The following NLGN1 variants were observed in gnomAD, a reference collection of about 807,000 sequenced individuals.
The protein encoded by NLGN1 is neuroligin-1.
A neutral mutation model predicts 65.5 loss-of-function variants in NLGN1; 12 were observed. That is an observed-to-expected ratio of 0.18 (90% confidence interval 0.12 to 0.30). NLGN1 has a LOEUF of 0.30. Among genes scored for constraint, NLGN1 ranks in the 10% least tolerant of loss-of-function variants. The pLI is 1.00. For missense variants in NLGN1, 750 were observed against 1,007.1 expected (o/e 0.74, Z 3.46); for synonymous variants, 350 against 359.5 (o/e 0.97, Z 0.30).
chr3:173,892,329 T>G (rs1305999599), intron 4 of NLGN1, among the ~76,000 whole-genome samples: 2 of 152,124 alleles, frequency 1.3e-5, no homozygotes, highest in East Asian at 3.9e-4. Context: ...TTTTATTTTA[T>G]GCAACTGCTT....
chr3:173,790,328 C>T (rs1456805980), intron 3 of NLGN1, among the ~76,000 whole-genome samples: 1 of 152,050 alleles, frequency 6.6e-6, no homozygotes, highest in Non-Finnish European at 1.5e-5. Flanking sequence ...AGAGCTGCGT[C>T]CATATCCTGG....
intron 4 of NLGN1, among the ~76,000 whole-genome samples, chr3:174,271,616 T>G (rs1055775698): frequency 6.6e-6 from 1 of 151,812 alleles, no homozygotes; most frequent in East Asian, 1.9e-4. Context: ...CTGGTTTCTC[T>G]CTAGCACTTG....
At chr3:173,618,912 G>A (rs924145705) in intron 3 of NLGN1, among the ~76,000 whole-genome samples, 2 of 152,142 alleles carry the variant, frequency 1.3e-5, no homozygotes, top group Non-Finnish European at 2.9e-5. Flanking sequence ...AGAGAAGAGG[G>A]TGTTGGATTT....
chr3:173,528,247 G>A (rs1469370308), intron 2 of NLGN1, among the ~76,000 whole-genome samples: 1 of 152,114 alleles, frequency 6.6e-6, no homozygotes, highest in Non-Finnish European at 1.5e-5. Context: ...ACTCTTGACT[G>A]ACAAAATTTT....
chr3:173,550,980 C>T (rs1046594147), intron 2 of NLGN1, among the ~76,000 whole-genome samples: 2 of 152,118 alleles, frequency 1.3e-5, no homozygotes, highest in African/African-American at 4.8e-5. Flanking sequence ...CAGCTTGTCT[C>T]CTCTCATCTC....
chr3:173,958,010 G>A (rs1712540696), intron 4 of NLGN1, among the ~76,000 whole-genome samples: 1 of 152,186 alleles, frequency 6.6e-6, no homozygotes, highest in Non-Finnish European at 1.5e-5. Flanking sequence ...GCTGCAGCTG[G>A]ACCAGATATA....
chr3:174,054,623 C>T (rs1735635246), intron 4 of NLGN1, among the ~76,000 whole-genome samples: 1 of 151,764 alleles, frequency 6.6e-6, no homozygotes. Context: ...ATTTCTAATC[C>T]ACTGTGGACG....
intron 1 of NLGN1, among the ~76,000 whole-genome samples, chr3:173,434,415 A>G (rs1488543837): frequency 8.5e-5 from 13 of 152,204 alleles, no homozygotes; most frequent in Admixed American, 8.5e-4. Flanking sequence ...ATTACAATTC[A>G]TGGGCCTCAC....
intron 2 of NLGN1, among the ~76,000 whole-genome samples, chr3:173,479,808 A>T (rs893867037): frequency 3.3e-5 from 5 of 152,328 alleles, no homozygotes; most frequent in Admixed American, 2.6e-4. Flanking sequence ...AAAGAAAAAA[A>T]TTGGTATAAT....
chr3:174,165,615 G>T lies in NLGN1; in HGVS notation c.647-109700G>T, dbSNP rs893956265. ...TTTAATTTGATAGTATTTTGTTGAGGATTTTCATGTCTATGCCTATCGGGG... is the reference window on the plus strand; with the variant it reads ...TTTAATTTGATAGTATTTTGTTGAGTATTTTCATGTCTATGCCTATCGGGG... On this transcript the variant is annotated intron_variant, in intron 4 of 6. Coordinates refer to ENST00000457714, the Ensembl canonical transcript of NLGN1. Among the ~76,000 whole-genome samples, 4 of 151,980 alleles carry T rather than the reference G, an allele frequency of 2.6e-5. 1 individual carries two copies. The highest frequency in any genetic ancestry group is 6.6e-5 in the Admixed American group (1 of 15,222).
At chr3:173,464,321 C>T (rs183404379) in intron 2 of NLGN1, among the ~76,000 whole-genome samples, 16 of 152,194 alleles carry the variant, frequency 1.1e-4, no homozygotes, top group African/African-American at 3.9e-4. Context: ...AAAAACTATG[C>T]TGGTAGAGTT....
intron 4 of NLGN1, among the ~76,000 whole-genome samples, chr3:174,242,989 C>G (rs1458087207): frequency 2.6e-5 from 4 of 152,160 alleles, no homozygotes; most frequent in African/African-American, 9.7e-5. Context: ...GCTTAACTCC[C>G]TGCCTTGATT....
chr3:173,685,560 A>C (rs559221648), intron 3 of NLGN1: 1 of 766,244 alleles, frequency 1.3e-6, no homozygotes, highest in Non-Finnish European at 1.6e-6. Flanking sequence ...GCTGCCAGGC[A>C]GTCATCAAAT....
At chr3:174,144,447 G>A (rs1349979827) in intron 4 of NLGN1, among the ~76,000 whole-genome samples, 2 of 152,050 alleles carry the variant, frequency 1.3e-5, no homozygotes, top group African/African-American at 4.8e-5. Flanking sequence ...GGGATTGCTG[G>A]GTCAAATGGT....
upstream of NLGN1, among the ~76,000 whole-genome samples, chr3:173,396,896 T>TTTAAATGCGTCTCTCTTTCCCATA (rs1716716347): frequency 1.3e-5 from 2 of 151,920 alleles, no homozygotes; most frequent in South Asian, 2.1e-4. Context: ...ATCGTCTATT[T>TTTAAATGCGTCTCTCTTTCCCATA]GAGTTTAAAT....
intron 4 of NLGN1, among the ~76,000 whole-genome samples, chr3:173,870,113 T>A (rs1288515002): frequency 6.6e-6 from 1 of 152,198 alleles, no homozygotes; most frequent in African/African-American, 2.4e-5. Flanking sequence ...TCCTAGGTTT[T>A]AATAGACATC....
At chr3:173,883,874 C>T (rs1248597989) in intron 4 of NLGN1, among the ~76,000 whole-genome samples, 1 of 136,940 alleles carries the variant, frequency 7.3e-6, no homozygotes, top group Non-Finnish European at 1.5e-5. Flanking sequence ...TTAATTCTCT[C>T]AGCTTAGTAA....
chr3:174,279,522 C>T lies in NLGN1; in HGVS notation c.1521C>T (p.Asp507=), dbSNP rs750939391. 10 of 1,613,136 alleles carry T rather than the reference C, an allele frequency of 6.2e-6. No homozygotes were observed. The highest frequency in any genetic ancestry group is 2.2e-5 in the East Asian group (1 of 44,804). The change falls in exon 6 of 7, where the codon GAC becomes GAT. Residue 507 remains aspartate, a synonymous_variant. Transcript: ENST00000457714. This position sits in a 1 kb window ranked among gnomAD's most constrained non-coding sequence, Gnocchi z 4.7. ...CTTGGGCTGATGCAGCCCACGGAGA[C>T]GAGGTTCCCTATGTACTGGGAATCC...
chr3:173,834,858 T>TA (rs1251413674), intron 4 of NLGN1, among the ~76,000 whole-genome samples: 1 of 152,190 alleles, frequency 6.6e-6, no homozygotes, highest in East Asian at 1.9e-4. Context: ...AAAGGGCACT[T>TA]ACGAAACTCA....
Sources: gnomAD v4.1 joint callset for allele counts (sites outside exome capture counted in the v4.1 genomes callset) on GRCh38, gnomAD v4.1.1 for gene constraint, Gnocchi (gnomAD v3.1) non-coding constraint, MANE v1.5 for transcripts, NCBI Gene and HGNC (gene_info 2026-07-23, HGNC 2026-07-21) for gene names.